Variants in TRAPPC9 observed in about 807,000 individuals in gnomAD.
TRAPPC9 encodes trafficking protein particle complex subunit 9.
TRAPPC9 carries 83 observed loss-of-function variants against 124.0 expected under a neutral mutation model. That is an observed-to-expected ratio of 0.67 (90% CI 0.56 to 0.80). TRAPPC9 has a LOEUF of 0.80. Among genes scored for constraint, TRAPPC9 ranks in the 30% least tolerant of loss-of-function variants. The probability of loss-of-function intolerance (pLI) is 0.00; values close to 1 mark genes in which losing one functional copy is unlikely to be tolerated. For missense variants in TRAPPC9, 1,302 were observed against 1,508.3 expected, an observed-to-expected ratio of 0.86 and a Z score of 2.27; for synonymous variants, 638 against 617.5, an observed-to-expected ratio of 1.03 and a Z score of -0.49.
At chr8:139,988,557 G>A (rs781213179) in intron 19 of TRAPPC9, among the ~76,000 whole-genome samples, 169 bp downstream of exon 19, 5 of 152,110 alleles carry the variant, frequency 3.3e-5, no homozygotes, top group Admixed American at 1.3e-4. Flanking sequence ...AATTTAAAAC[G>A]ACTCCAGATT....
At chr8:139,910,557 T>C (rs1308891726) in intron 19 of TRAPPC9, among the ~76,000 whole-genome samples, 2 of 152,162 alleles carry the variant, frequency 1.3e-5, no homozygotes, top group Admixed American at 6.5e-5. Context: ...TTACCCCAGA[T>C]AAAAATTTCA....
intron 20 of TRAPPC9, among the ~76,000 whole-genome samples, chr8:139,893,435 G>A (rs776250332): frequency 9.9e-5 from 15 of 152,192 alleles, no homozygotes; most frequent in Non-Finnish European, 1.6e-4. Context: ...CTGCCCTGGC[G>A]GTCTGCACAA....
chr8:139,891,573 C>T (rs1196809164), intron 20 of TRAPPC9, among the ~76,000 whole-genome samples: 1 of 152,256 alleles, frequency 6.6e-6, no homozygotes, highest in Non-Finnish European at 1.5e-5. Context: ...CATGCGGCAC[C>T]CTCCTGGAGC....
intron 19 of TRAPPC9, among the ~76,000 whole-genome samples, chr8:139,919,356 T>G (rs1045347154): frequency 3.9e-5 from 6 of 152,304 alleles, no homozygotes; most frequent in Admixed American, 1.3e-4. Context: ...TAATTGGTGC[T>G]CAAAACAATT....
At chr8:140,031,755 A>G (rs936385472) in intron 17 of TRAPPC9, among the ~76,000 whole-genome samples, 2 of 152,204 alleles carry the variant, frequency 1.3e-5, no homozygotes, top group African/African-American at 2.4e-5. Context: ...GTAACTACAA[A>G]TTAAGTGATC....
Position 139,954,134 on chromosome 8 carries a change from C to T in TRAPPC9, c.2810+34592G>A, listed in dbSNP as rs769811207. Among the ~76,000 whole-genome samples, 6 of 152,192 alleles carry T rather than the reference C, an allele frequency of 3.9e-5. No individual in the cohort carries two copies. The East Asian group carries it at 5.8e-4, about 15-fold the overall frequency. ...TGGATTGGTGGTTACCTGGGGACTG[C>T]GCCAGGGGTAGGGAGCGATGATGAG... On this transcript the variant is annotated intron_variant, in intron 19 of 22. Coordinates refer to ENST00000438773, the MANE Select transcript of TRAPPC9 (RefSeq NM_001160372.4).
At chr8:140,165,142 G>A (rs943089784) in intron 17 of TRAPPC9, among the ~76,000 whole-genome samples, 8 of 152,232 alleles carry the variant, frequency 5.3e-5, no homozygotes, top group Non-Finnish European at 7.4e-5. Flanking sequence ...CTGGGAGGCC[G>A]AGGTGGACAG....
In TRAPPC9 at chr8:140,353,524, T is replaced by C. The variant is rs972671368; in HGVS notation, c.1495+6526A>G. On this transcript the variant is annotated intron_variant, in intron 9 of 22. Coordinates refer to ENST00000438773, the MANE Select transcript of TRAPPC9 (RefSeq NM_001160372.4). This position sits in a 1 kb window ranked among gnomAD's most constrained non-coding sequence, Gnocchi z 4.2. ...AGTTTACCTAACTAGTTTTTCCCCG[T>C]GTTCCCTTTTTAAGCTACGTGATGT... Among the ~76,000 whole-genome samples, 1 of 152,228 alleles carries C rather than the reference T, an allele frequency of 6.6e-6. No individual in the cohort carries two copies. The highest frequency in any genetic ancestry group is 2.4e-5 in the African/African-American group (1 of 41,452).
At position 139,791,521 on chromosome 8, in the gene TRAPPC9, C is replaced by T. The variant is rs1822676185; in HGVS notation, c.3056-59319G>A. Reference sequence around the variant, plus strand: ...CCCTGCCCACAGACTCACACACACACTCACACAGGCACTCGTCTCTCCTGC... The same window carrying T: ...CCCTGCCCACAGACTCACACACACATTCACACAGGCACTCGTCTCTCCTGC... On this transcript the variant is annotated intron_variant, in intron 21 of 22. Coordinates refer to ENST00000438773, the MANE Select transcript of TRAPPC9 (RefSeq NM_001160372.4). Among the ~76,000 whole-genome samples, 3 of 151,372 alleles carry T rather than the reference C, an allele frequency of 2.0e-5. No homozygotes were observed. In the South Asian group the frequency reaches 6.3e-4, roughly 32 times the overall value.
At chr8:139,767,986 A>G (rs535310786) in intron 21 of TRAPPC9, among the ~76,000 whole-genome samples, 2 of 152,254 alleles carry the variant, frequency 1.3e-5, no homozygotes, top group African/African-American at 4.8e-5. Context: ...CTCAGGGTCT[A>G]TTCACATTGT....
At chr8:139,864,009 G>A (rs1397926787) in intron 21 of TRAPPC9, among the ~76,000 whole-genome samples, 2 of 152,138 alleles carry the variant, frequency 1.3e-5, no homozygotes, top group Admixed American at 6.5e-5. Context: ...GCCCACCAGT[G>A]GGACCAATGC....
intron 2 of TRAPPC9, among the ~76,000 whole-genome samples, chr8:140,450,154 A>G (rs1287968402): frequency 6.6e-6 from 1 of 152,176 alleles, no homozygotes; most frequent in Non-Finnish European, 1.5e-5. Context: ...CAAGGCCAGG[A>G]GTTCAAGACC....
chr8:140,331,984 G>A (rs1394965887), intron 9 of TRAPPC9, among the ~76,000 whole-genome samples: 1 of 152,082 alleles, frequency 6.6e-6, no homozygotes, highest in African/African-American at 2.4e-5. Flanking sequence ...GATTTCCAAA[G>A]GAAAAGAAAT....
intron 17 of TRAPPC9, among the ~76,000 whole-genome samples, chr8:140,059,153 G>A (rs1842445572): frequency 6.6e-6 from 1 of 151,962 alleles, no homozygotes; most frequent in South Asian, 2.1e-4. Flanking sequence ...ACCCCTCCAG[G>A]ACAACAGAGA....
intron 17 of TRAPPC9, among the ~76,000 whole-genome samples, chr8:140,025,850 C>G (rs995019908): frequency 6.6e-6 from 1 of 152,198 alleles, no homozygotes; most frequent in African/African-American, 2.4e-5. Flanking sequence ...GTATGCATAA[C>G]ATAAAAGTTA....
rs1015254988 is a variant in TRAPPC9 at position 139,825,813 on chromosome 8, G to A, written c.3055+60066C>T. Among the ~76,000 whole-genome samples the A allele has an allele frequency of 6.6e-6, 1 of 152,004 alleles. No individual in the cohort carries two copies. Among genetic ancestry groups the A allele is most frequent in the Non-Finnish European group, 1.5e-5 (1 of 68,014 alleles). On this transcript the variant is annotated intron_variant, in intron 21 of 22. Coordinates refer to ENST00000438773, the MANE Select transcript of TRAPPC9 (RefSeq NM_001160372.4). The surrounding 1 kb of genome is among the most constrained non-coding windows in gnomAD (Gnocchi z 4.6). ...AGACAACAGCCGTGAGACGATGGCC[G>A]GAGCTGAGTGTCAACGCCCAAGGAT...
chr8:139,901,002 A>AAATAAATAAATAAATAACTAAAT (rs57260430), intron 20 of TRAPPC9, among the ~76,000 whole-genome samples: 25 of 124,504 alleles, frequency 2.0e-4, no homozygotes, highest in Admixed American at 4.8e-4. Context: ...ATAAATAAAT[A>AAATAAATAAATAAATAACTAAAT]AAATAAATAA....
chr8:140,308,500 T>C (rs2066200612), intron 10 of TRAPPC9, among the ~76,000 whole-genome samples: 1 of 151,992 alleles, frequency 6.6e-6, no homozygotes, highest in African/African-American at 2.4e-5. Context: ...CCAGGACACT[T>C]AGGGGTTACT....
At chr8:139,882,128 G>A (rs1054702767) in intron 21 of TRAPPC9, among the ~76,000 whole-genome samples, 2 of 152,216 alleles carry the variant, frequency 1.3e-5, no homozygotes, top group African/African-American at 4.8e-5. Context: ...AGAAATATCT[G>A]CATAAAAGAC....
Sources: gnomAD v4.1 joint callset for allele counts (sites outside exome capture counted in the v4.1 genomes callset) on GRCh38, gnomAD v4.1.1 for gene constraint, Gnocchi (gnomAD v3.1) non-coding constraint, MANE v1.5 for transcripts, NCBI Gene and HGNC (gene_info 2026-07-23, HGNC 2026-07-21) for gene names.